Variants in ADAMTSL1 observed in about 807,000 individuals in gnomAD.
ADAMTSL1 encodes the protein ADAMTS like 1.
In ADAMTSL1, 126 loss-of-function variants were observed where a neutral mutation model predicts 201.8. The observed-to-expected ratio is 0.62, with a 90% CI of 0.54 to 0.72. The LOEUF is 0.72. ADAMTSL1 is among the 30% of genes least tolerant of loss of function. The pLI is 0.00. For missense variants in ADAMTSL1, 2,679 were observed against 2,277.8 expected (o/e 1.18, Z -3.59); for synonymous variants, 1,121 against 903.4 (o/e 1.24, Z -4.32).
intron 5 of ADAMTSL1, among the ~76,000 whole-genome samples, chr9:18,631,253 A>G (rs1247777744): frequency 2.0e-5 from 3 of 152,224 alleles, no homozygotes; most frequent in African/African-American, 7.2e-5. Context: ...GAAGTTCTCC[A>G]GATGGGAATG....
intron 1 of ADAMTSL1, among the ~76,000 whole-genome samples, chr9:18,503,180 C>T (rs1431549859): frequency 1.3e-5 from 2 of 151,762 alleles, no homozygotes; most frequent in Non-Finnish European, 2.9e-5. Context: ...AACTGAAATT[C>T]TGCATCCATA....
chr9:18,513,733 T>C (rs1172414542), intron 2 of ADAMTSL1, among the ~76,000 whole-genome samples: 4 of 152,232 alleles, frequency 2.6e-5, no homozygotes, highest in African/African-American at 7.2e-5. Context: ...TCCCAGCACC[T>C]TTCCCCATTG....
At chr9:17,950,884 T>C (rs1409207454) in intron 1 of ADAMTSL1, among the ~76,000 whole-genome samples, 4 of 152,104 alleles carry the variant, frequency 2.6e-5, no homozygotes, top group South Asian at 4.2e-4. Context: ...ATAAATGCAA[T>C]GTCCCAGGCA....
intron 3 of ADAMTSL1, among the ~76,000 whole-genome samples, chr9:18,557,616 G>T (rs138379319): frequency 6.6e-6 from 1 of 151,974 alleles, no homozygotes; most frequent in Non-Finnish European, 1.5e-5. Flanking sequence ...AAGAAGTTAA[G>T]CCTGCAGACA....
intron 11 of ADAMTSL1, 75 bp downstream of exon 11, chr9:18,680,591 G>C (rs1830412676): frequency 6.5e-7 from 1 of 1,535,292 alleles, no homozygotes; most frequent in Non-Finnish European, 9.0e-7. Flanking sequence ...GCCCCACCGG[G>C]TACCCTGAGC....
chr9:18,731,995 C>T (rs149850551), intron 15 of ADAMTSL1, among the ~76,000 whole-genome samples: 19 of 152,198 alleles, frequency 1.2e-4, no homozygotes, highest in South Asian at 2.1e-4. Context: ...CAGCTGGCCA[C>T]GTTACCTCTC....
chr9:18,204,846 CTGTT>C (rs996583176), intron 2 of ADAMTSL1, among the ~76,000 whole-genome samples: 1 of 152,098 alleles, frequency 6.6e-6, no homozygotes, highest in South Asian at 2.1e-4. Context: ...CTACTCAGAC[CTGTT>C]TGTTTGTTCT....
At chr9:18,690,396 A>C (rs1831139750) in intron 13 of ADAMTSL1, among the ~76,000 whole-genome samples, 2 of 152,154 alleles carry the variant, frequency 1.3e-5, no homozygotes, top group South Asian at 4.1e-4. Flanking sequence ...ATCCCTCCTC[A>C]AAATGTAGTG....
At chr9:17,926,866 C>G (rs1229041785) in intron 1 of ADAMTSL1, among the ~76,000 whole-genome samples, 1 of 152,114 alleles carries the variant, frequency 6.6e-6, no homozygotes, top group African/African-American at 2.4e-5. Context: ...TTTTCTTTAT[C>G]TTACCCATTA....
rs1207142349 is a variant in ADAMTSL1, at chr9:18,432,550, G to A, written c.208-72279G>A. 3.3e-5 allele frequency among the ~76,000 whole-genome samples: 5 copies of A among 151,882 alleles called. No homozygotes were observed. In the East Asian group the frequency reaches 9.7e-4, roughly 29 times the overall value. On this transcript the variant is annotated intron_variant, in intron 2 of 29. Coordinates refer to the ADAMTSL1 transcript ENST00000680146. ...CTTACATTATTCTATCTTTCCCATA[G>A]CACATCACCAAAAATTATCAAATGC...
intron 2 of ADAMTSL1, among the ~76,000 whole-genome samples, chr9:18,431,402 C>T (rs1027020435): frequency 6.6e-6 from 1 of 152,178 alleles, no homozygotes; most frequent in East Asian, 1.9e-4. Flanking sequence ...TTAGACTAAG[C>T]TTGTACATAT....
At chr9:18,360,495 T>C (rs1337022011) in intron 2 of ADAMTSL1, 1 of 152,128 alleles carries the variant, frequency 6.6e-6, no homozygotes, top group Non-Finnish European at 1.5e-5. Context: ...TTGGTACGAC[T>C]TCATGCTTTG....
At chr9:18,682,773 A>G (rs915714243) in intron 12 of ADAMTSL1, among the ~76,000 whole-genome samples, 6 of 152,122 alleles carry the variant, frequency 3.9e-5, no homozygotes, top group Admixed American at 3.3e-4. Flanking sequence ...GTAGCTCTTT[A>G]TTATACTATA....
chr9:18,164,524 A>C (rs2132096792), intron 2 of ADAMTSL1, among the ~76,000 whole-genome samples: 1 of 151,880 alleles, frequency 6.6e-6, no homozygotes, highest in South Asian at 2.1e-4. Flanking sequence ...AGATGTCAAG[A>C]TTACAGGCCT....
At chr9:18,463,383 AT>A (rs1820881467) in intron 2 of ADAMTSL1, among the ~76,000 whole-genome samples, 1 of 152,046 alleles carries the variant, frequency 6.6e-6, no homozygotes, top group Non-Finnish European at 1.5e-5. Flanking sequence ...TTTGTGGTAA[AT>A]ATATGTGATG....
chr9:18,846,879 C>T (rs1293468041), intron 23 of ADAMTSL1, among the ~76,000 whole-genome samples: 3 of 152,142 alleles, frequency 2.0e-5, no homozygotes, highest in Non-Finnish European at 4.4e-5. Flanking sequence ...TCAAAGACAT[C>T]AGATTTGGGG....
intron 1 of ADAMTSL1, among the ~76,000 whole-genome samples, chr9:18,037,175 A>G (rs987706575): frequency 1.3e-5 from 2 of 152,228 alleles, no homozygotes; most frequent in African/African-American, 2.4e-5. Flanking sequence ...AGGGAAAAAA[A>G]CTTCAAGCTA....
chr9:18,895,083 C>A (rs1247930988), intron 26 of ADAMTSL1, among the ~76,000 whole-genome samples: 2 of 152,170 alleles, frequency 1.3e-5, no homozygotes, highest in Non-Finnish European at 2.9e-5. Flanking sequence ...ACCTGTAACT[C>A]TGTGAATGGC....
intron 1 of ADAMTSL1, among the ~76,000 whole-genome samples, chr9:18,478,182 A>G (rs992625342): frequency 1.3e-5 from 2 of 152,110 alleles, no homozygotes; most frequent in Admixed American, 1.3e-4. Context: ...TAACAATATT[A>G]CAGTTAGGGT....
Sources: allele counts gnomAD v4.1 joint callset (sites outside exome capture counted in the v4.1 genomes callset), GRCh38; gene constraint gnomAD v4.1.1; transcripts MANE v1.5; gene names NCBI Gene and HGNC (gene_info 2026-07-23, HGNC 2026-07-21).